The following CACNA1B variants were observed in gnomAD, a reference collection of about 807,000 sequenced individuals.
CACNA1B encodes the protein calcium voltage-gated channel subunit alpha1 B.
CACNA1B carries 70 observed loss-of-function variants against 247.2 expected under a neutral mutation model. That is an observed-to-expected ratio of 0.28 (90% CI 0.23 to 0.35). CACNA1B has a LOEUF of 0.35. Ranked by LOEUF, CACNA1B falls within the 10% of genes least tolerant of loss-of-function variation. CACNA1B has a pLI of 1.00. For missense variants in CACNA1B, 2,367 were observed against 3,197.4 expected, an observed-to-expected ratio of 0.74 and a Z score of 6.26; for synonymous variants, 1,231 against 1,294.4, an observed-to-expected ratio of 0.95 and a Z score of 1.05.
Position 138,023,600 on chromosome 9 carries a change from G to C in CACNA1B, c.2857G>C (p.Glu953Gln), listed in dbSNP as rs2133439220. ...CAAGGAGTGCGCCGGCGCCAAGGGCGAGCGGCGCGCGCGGCACCGCGGCGG... is the reference window on the plus strand; with the variant it reads ...CAAGGAGTGCGCCGGCGCCAAGGGCCAGCGGCGCGCGCGGCACCGCGGCGG... The part of the protein sequence containing the change: ...PSKECAGAKG[E>Q]RRARHRGGPR... Residue 953 changes from glutamate (E) to glutamine (Q), a missense_variant, in exon 19 of 47, where the codon GAG becomes CAG. Coordinates refer to ENST00000371372, the MANE Select transcript of CACNA1B (RefSeq NM_000718.4). 1 of 1,105,118 alleles carries C rather than the reference G, an allele frequency of 9.0e-7. No homozygotes were observed. Among genetic ancestry groups the C allele is most frequent in the African/African-American group, 1.7e-5 (1 of 58,918 alleles). The allele number at this position is 1,105,118 out of a possible 1,614,324, so 68.5% of individuals were successfully genotyped here. A position where few individuals can be genotyped will look rare whatever the true frequency, so the allele number is the denominator to read the frequency against.
At position 137,926,711 on chromosome 9, in the gene CACNA1B, T is replaced by C. The variant is rs144212704; in HGVS notation, c.966+9280T>C. Among the ~76,000 whole-genome samples the C allele has an allele frequency of 2.0e-3, 302 of 152,370 alleles. 1 individual carries two copies. Among genetic ancestry groups the C allele is most frequent in the Non-Finnish European group, 2.5e-3 (171 of 68,038 alleles). On this transcript the variant is annotated intron_variant, in intron 6 of 46. Transcript: ENST00000371372. ...ATCCTCACCAATACTTGTTAATTTC[T>C]GTGTTTTTGATAGTAGCCATTTTAA...
At chr9:137,904,800 G>A (rs1957279569) in intron 3 of CACNA1B, among the ~76,000 whole-genome samples, 2 of 152,058 alleles carry the variant, frequency 1.3e-5, no homozygotes, top group African/African-American at 4.8e-5. Flanking sequence ...TGCCATCGGT[G>A]ATCATTTTAT....
At chr9:138,104,940 T>G (rs1002878086) in intron 38 of CACNA1B, among the ~76,000 whole-genome samples, 1 of 152,242 alleles carries the variant, frequency 6.6e-6, no homozygotes, top group Non-Finnish European at 1.5e-5. Flanking sequence ...CCAGCTGTTC[T>G]GTCCCTGAAA....
At position 137,899,501 on chromosome 9, in the gene CACNA1B, T is replaced by G. The variant is rs1420029649; in HGVS notation, c.531-13679T>G. 1.3e-5 allele frequency among the ~76,000 whole-genome samples: 2 copies of G among 152,158 alleles called. No homozygotes were observed. Among genetic ancestry groups the G allele is most frequent in the Non-Finnish European group, 2.9e-5 (2 of 68,018 alleles). On this transcript the variant is annotated intron_variant, in intron 3 of 46. Coordinates refer to ENST00000371372, the MANE Select transcript of CACNA1B (RefSeq NM_000718.4). The surrounding 1 kb of genome is among the most constrained non-coding windows in gnomAD (Gnocchi z 5.0). ...GTCGTGTGTGTGCTTGGGGTTGGGG[T>G]TCCCCGCATGCCATGCCTAGCTCTT...
intron 3 of CACNA1B, among the ~76,000 whole-genome samples, chr9:137,893,294 T>C (rs1317615428): frequency 4.0e-5 from 6 of 150,386 alleles, no homozygotes; most frequent in Admixed American, 2.0e-4. Context: ...GGCTGCTGTT[T>C]TAATAACAAT....
intron 6 of CACNA1B, among the ~76,000 whole-genome samples, chr9:137,945,772 A>G (rs544654959): frequency 2.0e-5 from 3 of 152,348 alleles, no homozygotes; most frequent in Non-Finnish European, 4.4e-5. Context: ...CGACTTACCC[A>G]GATCATCTAC....
Position 138,122,189 on chromosome 9 carries a change from GGCT to G in CACNA1B, c.*191_*193del. 1.7e-6 allele frequency: 1 copy of G among 602,528 alleles called. No individual in the cohort carries two copies. Among genetic ancestry groups the G allele is most frequent in the Non-Finnish European group, 2.9e-6 (1 of 340,212 alleles). 37.3% of individuals were successfully genotyped at this position (602,528 alleles called of 1,614,324 possible). A position where few individuals can be genotyped will look rare whatever the true frequency, so the allele number is the denominator to read the frequency against. ...CGAATAAAGCCCTGTTAGAGGATGC[GGCT>G]CTCTCTGTCCCCTTCCTGTCCTGCC... On this transcript the variant is annotated 3_prime_UTR_variant, in exon 47 of 47. Transcript: ENST00000371372.
rs1368910014 is a variant in CACNA1B at position 138,120,615 on chromosome 9, TCTC to T, written c.6239-15_6239-13del. The T allele has an allele frequency of 6.7e-7, 1 of 1,483,850 alleles. No individual in the cohort carries two copies. The highest frequency in any genetic ancestry group is 8.9e-7 in the Non-Finnish European group (1 of 1,120,628). The allele number at this position is 1,483,850 out of a possible 1,614,324, so 91.9% of individuals were successfully genotyped here. On this transcript the variant is annotated splice_polypyrimidine_tract_variant and intron_variant, in intron 45 of 46. Transcript: ENST00000371372. ...CTTGGGCCTGGCCGTGCTAACTTCTTCTCTTCCCTGGCCAGCACCAAGCAGTGC... is the reference window on the plus strand; with the variant it reads ...CTTGGGCCTGGCCGTGCTAACTTCTTTTCCCTGGCCAGCACCAAGCAGTGC...
chr9:138,026,007 T>C (rs1383221639), intron 20 of CACNA1B, among the ~76,000 whole-genome samples: 5 of 152,212 alleles, frequency 3.3e-5, no homozygotes, highest in African/African-American at 1.2e-4. Flanking sequence ...TGCCACCACA[T>C]GCATGCCCAT....
In CACNA1B at chr9:137,971,339, T is replaced by G. The variant is rs780977449; in HGVS notation, c.1334-44T>G. 9.2e-6 allele frequency: 13 copies of G among 1,414,392 alleles called. No individual in the cohort carries two copies. Among genetic ancestry groups the G allele is most frequent in the East Asian group, 2.4e-5 (1 of 40,838 alleles). 87.6% of individuals were successfully genotyped at this position (1,414,392 alleles called of 1,614,324 possible). ...GGGGTCCACAGGTGGGGTAGGCGGG[T>G]GCCCATTGGTCCCCACATCCTCAGT... On this transcript the variant is annotated intron_variant, in intron 10 of 46. Transcript: ENST00000371372. This position sits in a 1 kb window ranked among gnomAD's most constrained non-coding sequence, Gnocchi z 4.4.
At position 138,054,203 on chromosome 9, in the gene CACNA1B, C is replaced by G. The variant is rs569133809; in HGVS notation, c.3968+197C>G. Among the ~76,000 whole-genome samples, 1 of 152,320 alleles carries G rather than the reference C, an allele frequency of 6.6e-6. No individual in the cohort carries two copies. Among genetic ancestry groups the G allele is most frequent in the East Asian group, 1.9e-4 (1 of 5,178 alleles). The stretch of plus-strand genomic sequence containing the variant: ...CACCACAGAAGACAGGATGCATCCC[C>G]TCCCCAGCACCACACCAGGGACCCC... On this transcript the variant is annotated intron_variant, in intron 26 of 46. Transcript: ENST00000371372. The surrounding 1 kb of genome is among the most constrained non-coding windows in gnomAD (Gnocchi z 4.6).
At chr9:138,046,684 C>CA (rs1170276973) in intron 21 of CACNA1B, among the ~76,000 whole-genome samples, 1 of 152,268 alleles carries the variant, frequency 6.6e-6, no homozygotes, top group African/African-American at 2.4e-5. Flanking sequence ...CAGCCTTCCC[C>CA]ACCCCCCGTC....
rs1172359024 is a variant in CACNA1B at position 138,057,172 on chromosome 9, C to A, written c.3969-560C>A. On this transcript the variant is annotated intron_variant, in intron 26 of 46. Coordinates refer to ENST00000371372, the MANE Select transcript of CACNA1B (RefSeq NM_000718.4). The surrounding 1 kb of genome is among the most constrained non-coding windows in gnomAD (Gnocchi z 4.0). The stretch of plus-strand genomic sequence containing the variant: ...CAGGATGGTCTCCATCTCCTGACCT[C>A]GTGATCCGCCCGCCTCGGCCTCCCA... Among the ~76,000 whole-genome samples the A allele has an allele frequency of 6.6e-6, 1 of 152,066 alleles. No homozygotes were observed. Among genetic ancestry groups the A allele is most frequent in the Non-Finnish European group, 1.5e-5 (1 of 67,984 alleles).
intron 31 of CACNA1B, among the ~76,000 whole-genome samples, chr9:138,064,178 G>A (rs554927254): frequency 5.3e-5 from 8 of 152,286 alleles, no homozygotes; most frequent in South Asian, 4.2e-4. Context: ...CAAAACCTCC[G>A]GGTATTCTTT....
rs202169316 is a variant in CACNA1B, at chr9:138,049,191, T to A, written c.3604-18T>A. The A allele has an allele frequency of 2.3e-4, 339 of 1,497,684 alleles. No homozygotes were observed. Among genetic ancestry groups the A allele is most frequent in the Non-Finnish European group, 3.1e-4 (328 of 1,073,864 alleles). The allele number at this position is 1,497,684 out of a possible 1,614,324, so 92.8% of individuals were successfully genotyped here. A position where few individuals can be genotyped will look rare whatever the true frequency, so the allele number is the denominator to read the frequency against. On this transcript the variant is annotated intron_variant, in intron 23 of 46. Transcript: ENST00000371372. ...TTTCTGGACTATGACGTATCTAACG[T>A]GTGTTTCTCCCTCCTAGATGATCGA... is the stretch of plus-strand genomic sequence containing the variant.
At position 138,054,226 on chromosome 9, in the gene CACNA1B, C is replaced by T. The variant is rs539099716; in HGVS notation, c.3968+220C>T. Among the ~76,000 whole-genome samples the T allele has an allele frequency of 7.9e-4, 120 of 152,324 alleles. 1 individual carries two copies. The highest frequency in any genetic ancestry group is 1.5e-3 in the Non-Finnish European group (105 of 68,022). ...CCCTCCCCAGCACCACACCAGGGAC[C>T]CCCAGCACTTCCTCCTCAGCAGAGT... On this transcript the variant is annotated intron_variant, in intron 26 of 46. Coordinates refer to ENST00000371372, the MANE Select transcript of CACNA1B (RefSeq NM_000718.4). The surrounding 1 kb of genome is among the most constrained non-coding windows in gnomAD (Gnocchi z 4.6).
chr9:138,025,163 G>T lies in CACNA1B; in HGVS notation c.3277G>T (p.Val1093Phe). Residue 1093 changes from valine to phenylalanine, a missense_variant, in exon 20 of 47, where the codon GTC (valine) becomes TTC (phenylalanine). Physicochemically the swap from Val to Phe is conservative, Grantham distance 50. Transcript: ENST00000371372. Reference sequence around the variant, plus strand: ...GACGGGCCCTCTTGGGGAAGCCACGGTCGTTCCCAGTGAGTATCTCCCTGT... The same window carrying T: ...GACGGGCCCTCTTGGGGAAGCCACGTTCGTTCCCAGTGAGTATCTCCCTGT... ...MLTGPLGEAT[V>F]VPSGNVDLES... 3 of 1,606,522 alleles carry T rather than the reference G, an allele frequency of 1.9e-6. No homozygotes were observed. The highest frequency in any genetic ancestry group is 2.6e-6 in the Non-Finnish European group (3 of 1,175,728).
intron 6 of CACNA1B, among the ~76,000 whole-genome samples, chr9:137,918,783 C>T (rs972000268): frequency 2.6e-5 from 4 of 152,186 alleles, no homozygotes; most frequent in African/African-American, 9.7e-5. Flanking sequence ...GCTTCTTGAA[C>T]AGGCAGATGG....
chr9:138,102,719 T>C lies in CACNA1B; in HGVS notation c.5231T>C (p.Ile1744Thr). 1 of 1,604,766 alleles carries C rather than the reference T, an allele frequency of 6.2e-7. No individual in the cohort carries two copies. Residue 1744 changes from isoleucine (I) to threonine (T), a missense_variant, in exon 38 of 47, where the codon ATC becomes ACC. This residue lies in a region of CACNA1B where 55 missense variants were observed against 107.8 expected (regional missense o/e 0.51). Transcript: ENST00000371372. This position sits in a 1 kb window ranked among gnomAD's most constrained non-coding sequence, Gnocchi z 5.4. The stretch of plus-strand genomic sequence containing the variant: ...CTGGGACGGGTTTCCAGTGGGCGCA[T>C]CAGTTACAATGACATGTTTGAGATG... Reference protein sequence around the residue: ...AEYDPAACGRISYNDMFEMLK... With the variant: ...AEYDPAACGRTSYNDMFEMLK...
Sources: allele counts gnomAD v4.1 joint callset (sites outside exome capture counted in the v4.1 genomes callset), GRCh38; gene constraint gnomAD v4.1.1; regional missense constraint gnomAD v4.1.1; non-coding constraint Gnocchi (gnomAD v3.1); transcripts MANE v1.5; gene names NCBI Gene and HGNC (gene_info 2026-07-23, HGNC 2026-07-21).